FDFT1: variants seen among roughly 807,000 people sequenced by gnomAD.
FDFT1 encodes farnesyl-diphosphate farnesyltransferase 1, also known as squalene synthase.
FDFT1 carries 68 observed loss-of-function variants against 46.8 expected under a neutral mutation model. The ratio of observed to expected loss-of-function variants is 1.45; its 90% CI spans 1.19 to 1.78. FDFT1 has a LOEUF of 1.78. Ranked by LOEUF, FDFT1 falls within the 40% of genes most tolerant of loss-of-function variation. The probability of loss-of-function intolerance (pLI) is 0.00; values close to 1 mark genes in which losing one functional copy is unlikely to be tolerated. For missense variants in FDFT1, 928 were observed against 524.4 expected, an observed-to-expected ratio of 1.77 and a Z score of -7.52; for synonymous variants, 351 against 185.1, an observed-to-expected ratio of 1.90 and a Z score of -7.28.
At chr8:11,823,935 A>AGG (rs1481708870) in intron 4 of FDFT1, among the ~76,000 whole-genome samples, 2 of 151,984 alleles carry the variant, frequency 1.3e-5, no homozygotes, top group African/African-American at 4.8e-5. Flanking sequence ...TGGTAGAGAC[A>AGG]GGGTTTCATC....
At chr8:11,800,260 CAAAAAAAAAAAAAAAAAAAA>C (rs57381182), upstream of FDFT1, among the ~76,000 whole-genome samples, 1 of 57,892 alleles carries the variant, frequency 1.7e-5, no homozygotes, top group Non-Finnish European at 2.8e-5. Flanking sequence ...AATTCTGTCT[CAAAAAAAAAAAAAAAAAAAA>C]AAAAAAAAAA....
At chr8:11,810,699 A>G (rs1052393528) in intron 3 of FDFT1, among the ~76,000 whole-genome samples, 1 of 152,204 alleles carries the variant, frequency 6.6e-6, no homozygotes, top group Non-Finnish European at 1.5e-5. Context: ...TATCACACAA[A>G]TAACTGATTC....
upstream of FDFT1, among the ~76,000 whole-genome samples, chr8:11,799,212 G>A (rs572477417): frequency 6.6e-6 from 1 of 152,314 alleles, no homozygotes; most frequent in African/African-American, 2.4e-5. Context: ...CTGTAAACTG[G>A]CCAGACCAGT....
chr8:11,808,575 C>T (rs1353620585), intron 1 of FDFT1: 3 of 1,385,800 alleles, frequency 2.2e-6, no homozygotes, highest in East Asian at 2.8e-5. Context: ...CACCTTGGTG[C>T]TGAGTCCCGC....
intron 3 of FDFT1, among the ~76,000 whole-genome samples, chr8:11,811,095 A>G (rs1387024126): frequency 2.6e-5 from 4 of 152,228 alleles, no homozygotes; most frequent in Non-Finnish European, 4.4e-5. Flanking sequence ...TCGAGTTTAT[A>G]CAGTACAATT....
intron 3 of FDFT1, among the ~76,000 whole-genome samples, chr8:11,815,465 A>C (rs1808319092): frequency 6.6e-6 from 1 of 152,176 alleles, no homozygotes; most frequent in Admixed American, 6.5e-5. Flanking sequence ...ACAATGGTTG[A>C]ACTAATTTAC....
upstream of FDFT1, chr8:11,802,136 A>G: frequency 2.2e-6 from 1 of 454,008 alleles, no homozygotes; most frequent in South Asian, 1.6e-5. Context: ...CTGAAGCTCC[A>G]GGAGTGTGTG....
chr8:11,796,942 GA>G (rs1805618082), intron 1 of FDFT1, among the ~76,000 whole-genome samples: 1 of 152,252 alleles, frequency 6.6e-6, no homozygotes, highest in African/African-American at 2.4e-5. Flanking sequence ...GCAGTGTGCT[GA>G]AAGCAGCTCA....
intron 7 of FDFT1, chr8:11,831,926 A>G (rs1810859125): frequency 1.1e-5 from 4 of 352,466 alleles, no homozygotes; most frequent in African/African-American, 2.1e-5. Flanking sequence ...CAGTAGAATC[A>G]TAGATTTTGA....
chr8:11,796,066 A>G (rs1805532042), intron 1 of FDFT1: 1 of 151,948 alleles, frequency 6.6e-6, no homozygotes. Context: ...GACATTGTGA[A>G]AAACGGGGGA....
chr8:11,823,444 G>A (rs531481104), intron 4 of FDFT1, among the ~76,000 whole-genome samples: 1 of 152,022 alleles, frequency 6.6e-6, no homozygotes, highest in African/African-American at 2.4e-5. Context: ...GCCAATTTCT[G>A]TCTACCTAAT....
At chr8:11,804,800 G>C (rs185273681) in intron 1 of FDFT1, among the ~76,000 whole-genome samples, 1 of 151,616 alleles carries the variant, frequency 6.6e-6, no homozygotes, top group Admixed American at 6.6e-5. Context: ...GTAGAGACGG[G>C]GTTTCACCAT....
chr8:11,818,977 G>C (rs544433889), intron 3 of FDFT1, among the ~76,000 whole-genome samples: 42 of 152,196 alleles, frequency 2.8e-4, no homozygotes, highest in Non-Finnish European at 5.4e-4. Flanking sequence ...GCATGTTTTT[G>C]CAGTGGCTGG....
chr8:11,806,077 T>C (rs1189113964), intron 1 of FDFT1, among the ~76,000 whole-genome samples: 1 of 152,212 alleles, frequency 6.6e-6, no homozygotes. Context: ...GAAGGCTCCG[T>C]GGAGGGCTGG....
intron 5 of FDFT1, among the ~76,000 whole-genome samples, chr8:11,828,447 G>T (rs987305739): frequency 6.6e-6 from 1 of 152,230 alleles, no homozygotes; most frequent in African/African-American, 2.4e-5. Flanking sequence ...AAGGGAAGGG[G>T]ATTGTCTGGG....
intron 3 of FDFT1, among the ~76,000 whole-genome samples, chr8:11,818,219 TGA>T (rs1808729440): frequency 6.6e-6 from 1 of 152,256 alleles, no homozygotes; most frequent in Non-Finnish European, 1.5e-5. Flanking sequence ...CACTGTGGTC[TGA>T]GAGAAAGTTT....
chr8:11,801,498 T>G (rs1806113643), upstream of FDFT1, among the ~76,000 whole-genome samples: 1 of 152,172 alleles, frequency 6.6e-6, no homozygotes, highest in Admixed American at 6.5e-5. Context: ...TTTTGTATTT[T>G]TAGTAGAGAC....
chr8:11,825,989 C>A (rs982681929), intron 4 of FDFT1, 35 bp from the exon 5 acceptor site: 2 of 1,454,328 alleles, frequency 1.4e-6, no homozygotes, highest in African/African-American at 1.4e-5. Flanking sequence ...GTAAAAATTC[C>A]ATTATTAAAG....
intron 3 of FDFT1, among the ~76,000 whole-genome samples, chr8:11,811,177 T>G (rs1273878594): frequency 6.6e-6 from 1 of 152,212 alleles, no homozygotes; most frequent in Non-Finnish European, 1.5e-5. Context: ...AAGGTCCTGG[T>G]GATTTGACTC....
Sources: gnomAD v4.1 joint callset for allele counts (sites outside exome capture counted in the v4.1 genomes callset) on GRCh38, gnomAD v4.1.1 for gene constraint, MANE v1.5 for transcripts, NCBI Gene and HGNC (gene_info 2026-07-23, HGNC 2026-07-21) for gene names.